The following MDGA2 variants were observed in gnomAD, a reference collection of about 807,000 sequenced individuals.
The protein encoded by MDGA2 is MAM domain containing glycosylphosphatidylinositol anchor 2.
A neutral mutation model predicts 117.8 loss-of-function variants in MDGA2; 40 were observed. The observed-to-expected ratio is 0.34, with a 90% CI of 0.26 to 0.44. The LOEUF (loss-of-function observed/expected upper bound fraction) is 0.44. Among genes scored for constraint, MDGA2 ranks in the 20% least tolerant of loss-of-function variants. The pLI is 1.00. For missense variants in MDGA2, 1,123 were observed against 1,250.6 expected (o/e 0.90, Z 1.54); for synonymous variants, 452 against 439.0 (o/e 1.03, Z -0.37).
At chr14:47,023,074 A>G (rs1453456942) in intron 8 of MDGA2, among the ~76,000 whole-genome samples, 1 of 152,096 alleles carries the variant, frequency 6.6e-6, no homozygotes, top group African/African-American at 2.4e-5. Context: ...GCAAATACAG[A>G]AAGAACTGAG....
intron 1 of MDGA2, among the ~76,000 whole-genome samples, chr14:47,471,940 T>G (rs565525775): frequency 6.6e-6 from 1 of 152,174 alleles, no homozygotes; most frequent in African/African-American, 2.4e-5. Flanking sequence ...GGTGTTATTA[T>G]ATTTTCAGGG....
chr14:47,214,164 T>C (rs1243462065), intron 3 of MDGA2, among the ~76,000 whole-genome samples: 16 of 151,942 alleles, frequency 1.1e-4, no homozygotes, highest in Admixed American at 1.0e-3. Context: ...TAATTCGAGA[T>C]GAGATTTGTG....
At chr14:47,371,177 G>T (rs953889030) in intron 1 of MDGA2, among the ~76,000 whole-genome samples, 1 of 151,720 alleles carries the variant, frequency 6.6e-6, no homozygotes, top group Non-Finnish European at 1.5e-5. Flanking sequence ...TAGGACATGC[G>T]ATTTTGTTAT....
intron 1 of MDGA2, among the ~76,000 whole-genome samples, chr14:47,486,770 G>T (rs997921086): frequency 1.8e-4 from 28 of 152,072 alleles, no homozygotes; most frequent in African/African-American, 6.8e-4. Flanking sequence ...TCCTTTGCTT[G>T]CTGCCATCCA....
At chr14:46,947,724 G>A (rs576046212) in intron 9 of MDGA2, among the ~76,000 whole-genome samples, 17 of 151,992 alleles carry the variant, frequency 1.1e-4, no homozygotes, top group Middle Eastern at 3.4e-3. Flanking sequence ...CCCCAGCTAC[G>A]GAACTGTAAG....
intron 4 of MDGA2, among the ~76,000 whole-genome samples, chr14:47,134,780 T>C (rs1025682728): frequency 6.8e-6 from 1 of 147,730 alleles, no homozygotes; most frequent in African/African-American, 2.5e-5. Context: ...ACACACACTA[T>C]ATATATATAT....
chr14:47,587,008 C>CA (rs1343478602), intron 1 of MDGA2, among the ~76,000 whole-genome samples: 4 of 151,806 alleles, frequency 2.6e-5, no homozygotes, highest in African/African-American at 9.7e-5. Flanking sequence ...TAGTTTTGGT[C>CA]ACGCAGCTGA....
In MDGA2 at chr14:47,617,266, C is replaced by T. The variant is rs139158194; in HGVS notation, c.280+57251G>A. Among the ~76,000 whole-genome samples, 388 of 151,138 alleles carry T rather than the reference C, an allele frequency of 2.6e-3. 3 individuals are homozygous for T. Among genetic ancestry groups the T allele is most frequent in the African/African-American group, 9.3e-3 (381 of 41,078 alleles). On this transcript the variant is annotated intron_variant, in intron 1 of 16. Coordinates refer to ENST00000399232, the MANE Select transcript of MDGA2 (RefSeq NM_001113498.3). The stretch of plus-strand genomic sequence containing the variant: ...TGTCGCCTAGGCTGGAGTGCAGTGG[C>T]CCAATTTCGGCTCACTGCAACCTCT...
rs117213913 is a variant in MDGA2, at chr14:47,559,989, T to C, written c.280+114528A>G. 3.4e-3 allele frequency among the ~76,000 whole-genome samples: 520 copies of C among 152,270 alleles called. 3 individuals are homozygous for C. Among genetic ancestry groups the C allele is most frequent in the Non-Finnish European group, 3.3e-3 (223 of 68,012 alleles). On this transcript the variant is annotated intron_variant, in intron 1 of 16. Coordinates refer to ENST00000399232, the MANE Select transcript of MDGA2 (RefSeq NM_001113498.3). ...AAAATCGCAACATTGTTTTCCACAATGGCTGAACTAATTTACACTTCTGCC... is the reference window on the plus strand; with the variant it reads ...AAAATCGCAACATTGTTTTCCACAACGGCTGAACTAATTTACACTTCTGCC...
chr14:47,123,609 A>G (rs1024007492), intron 5 of MDGA2, among the ~76,000 whole-genome samples: 3 of 152,034 alleles, frequency 2.0e-5, no homozygotes, highest in African/African-American at 7.2e-5. Context: ...CATAAAAAAT[A>G]TTTTGTATTT....
chr14:47,290,104 C>T (rs1321860214), intron 2 of MDGA2, among the ~76,000 whole-genome samples: 1 of 149,662 alleles, frequency 6.7e-6, no homozygotes, highest in Non-Finnish European at 1.5e-5. Flanking sequence ...ATGAGAAGAA[C>T]AAACAAGGAA....
intron 3 of MDGA2, among the ~76,000 whole-genome samples, chr14:47,172,231 T>C (rs1052521423): frequency 1.3e-5 from 2 of 151,816 alleles, no homozygotes; most frequent in Non-Finnish European, 2.9e-5. Flanking sequence ...CACAGACAAA[T>C]AAAAAGACAG....
intron 1 of MDGA2, among the ~76,000 whole-genome samples, chr14:47,313,770 A>G (rs903423274): frequency 3.3e-5 from 5 of 152,170 alleles, no homozygotes; most frequent in Non-Finnish European, 7.4e-5. Context: ...GTGAAGAAAT[A>G]TATACCTCCA....
chr14:47,430,963 A>G (rs1892786286), intron 1 of MDGA2, among the ~76,000 whole-genome samples: 1 of 152,068 alleles, frequency 6.6e-6, no homozygotes, highest in African/African-American at 2.4e-5. Flanking sequence ...TGCAGGGCTT[A>G]AAATTGTGCA....
At position 47,047,018 on chromosome 14, in the gene MDGA2, G is replaced by T. The variant is rs554633515; in HGVS notation, c.1526-11714C>A. ...CCAATTTATTTTAATATACATTTTTGATTCCCTTCAATAGACAAATATGCC... is the reference window on the plus strand; with the variant it reads ...CCAATTTATTTTAATATACATTTTTTATTCCCTTCAATAGACAAATATGCC... On this transcript the variant is annotated intron_variant, in intron 7 of 16. Transcript: ENST00000399232. Among the ~76,000 whole-genome samples the T allele has an allele frequency of 9.9e-5, 15 of 152,200 alleles. No individual in the cohort carries two copies. In the South Asian group the frequency reaches 2.3e-3, roughly 23 times the overall value.
At chr14:47,383,671 TGA>T (rs1270218268) in intron 1 of MDGA2, among the ~76,000 whole-genome samples, 1 of 152,036 alleles carries the variant, frequency 6.6e-6, no homozygotes, top group Non-Finnish European at 1.5e-5. Context: ...CCTGAGTATT[TGA>T]GAGTACAGGC....
At chr14:47,126,387 T>C (rs1382812435) in intron 5 of MDGA2, among the ~76,000 whole-genome samples, 1 of 152,092 alleles carries the variant, frequency 6.6e-6, no homozygotes, top group African/African-American at 2.4e-5. Flanking sequence ...ATGAACTGTC[T>C]TGATAAATTT....
chr14:47,254,165 G>A (rs1887542004), intron 2 of MDGA2, among the ~76,000 whole-genome samples: 2 of 152,156 alleles, frequency 1.3e-5, no homozygotes, highest in African/African-American at 4.8e-5. Context: ...TCTCTGACAT[G>A]CCCTGGAGAC....
At chr14:47,411,958 A>C (rs75408605) in intron 1 of MDGA2, among the ~76,000 whole-genome samples, 1 of 152,206 alleles carries the variant, frequency 6.6e-6, no homozygotes, top group African/African-American at 2.4e-5. Context: ...TCTTACTAGG[A>C]GTACTGCTGT....
Sources: gnomAD v4.1 joint callset for allele counts (sites outside exome capture counted in the v4.1 genomes callset) on GRCh38, gnomAD v4.1.1 for gene constraint, MANE v1.5 for transcripts, NCBI Gene and HGNC (gene_info 2026-07-23, HGNC 2026-07-21) for gene names.